DHX57: variants seen among roughly 807,000 people sequenced by gnomAD.
DHX57 encodes DExH-box helicase 57, also known as putative ATP-dependent RNA helicase DHX57.
In DHX57, 105 loss-of-function variants were observed where a neutral mutation model predicts 156.2. The ratio of observed to expected loss-of-function variants is 0.67; its 90% CI spans 0.57 to 0.79. DHX57 has a LOEUF of 0.79. Among genes scored for constraint, DHX57 ranks in the 30% least tolerant of loss-of-function variants. The pLI, the probability that DHX57 is intolerant of heterozygous loss-of-function variation, is 0.00. For missense variants in DHX57, 1,847 were observed against 1,661.9 expected, an observed-to-expected ratio of 1.11 and a Z score of -1.94; for synonymous variants, 704 against 595.6, an observed-to-expected ratio of 1.18 and a Z score of -2.65.
In DHX57 at chr2:38,861,782, C is replaced by T. The variant is rs758514833; in HGVS notation, c.628G>A (p.Val210Met). 4 of 1,613,942 alleles carry T rather than the reference C, an allele frequency of 2.5e-6. No individual in the cohort carries two copies. Among genetic ancestry groups the T allele is most frequent in the Admixed American group, 1.7e-5 (1 of 60,010 alleles). Residue 210 changes from valine to methionine, a missense_variant, in exon 5 of 24, where the codon GTG (valine) becomes ATG (methionine). Val to Met is a conservative substitution (Grantham distance 21). Coordinates refer to ENST00000457308, the MANE Select transcript of DHX57 (RefSeq NM_198963.3). ...QAVLRMCDGD[V>M]GASLEHLLTQ... is the part of the protein sequence containing the mutation. ...AGGAGATGCTCTAGTGATGCTCCCA[C>T]ATCTCCATCACACATCCTCAGGACC... is the stretch of plus-strand genomic sequence containing the variant.
At chr2:38,829,389 C>A (rs2124827438) in intron 13 of DHX57, among the ~76,000 whole-genome samples, 1 of 150,948 alleles carries the variant, frequency 6.6e-6, no homozygotes, top group South Asian at 2.1e-4. Context: ...TCAATTGATT[C>A]TCCCGCCTCA....
chr2:38,807,220 A>C (rs542234742), intron 21 of DHX57, among the ~76,000 whole-genome samples: 4 of 151,944 alleles, frequency 2.6e-5, no homozygotes, highest in African/African-American at 4.8e-5. Flanking sequence ...ACACCCAGCT[A>C]ATTTTTGTAT....
chr2:38,873,632 C>T (rs979577385), intron 1 of DHX57, among the ~76,000 whole-genome samples: 3 of 152,088 alleles, frequency 2.0e-5, no homozygotes, highest in Non-Finnish European at 4.4e-5. Flanking sequence ...GAAAAAATGA[C>T]TTATGTGGGA....
chr2:38,822,793 T>G (rs1670891635), intron 17 of DHX57, among the ~76,000 whole-genome samples, 200 bp downstream of exon 17: 1 of 151,394 alleles, frequency 6.6e-6, no homozygotes, highest in Non-Finnish European at 1.5e-5. Context: ...AAAAATCCTT[T>G]TGTTTGTTTT....
chr2:38,875,564 A>G (rs1183645247), intron 1 of DHX57, among the ~76,000 whole-genome samples: 1 of 151,358 alleles, frequency 6.6e-6, no homozygotes, highest in South Asian at 2.1e-4. Context: ...GAGCGTGGAC[A>G]ACCTCAGCGG....
At chr2:38,839,642 A>AC (rs1311712633) in intron 12 of DHX57, among the ~76,000 whole-genome samples, 1 of 151,008 alleles carries the variant, frequency 6.6e-6, no homozygotes, top group Non-Finnish European at 1.5e-5. Flanking sequence ...ATTCGCTTGA[A>AC]CCCAGGAGGC....
At chr2:38,865,163 T>C (rs1053039955) in intron 2 of DHX57, among the ~76,000 whole-genome samples, 2 of 152,216 alleles carry the variant, frequency 1.3e-5, no homozygotes, top group Non-Finnish European at 2.9e-5. Context: ...CACATAATAA[T>C]TGTACATTCT....
chr2:38,818,339 G>A (rs1042645216), intron 19 of DHX57, among the ~76,000 whole-genome samples: 2 of 152,048 alleles, frequency 1.3e-5, no homozygotes, highest in Admixed American at 1.3e-4. Context: ...AGCCTGGCCA[G>A]CATGGTGAAA....
chr2:38,804,267 G>T (rs1212428174), intron 22 of DHX57, among the ~76,000 whole-genome samples: 2 of 152,122 alleles, frequency 1.3e-5, no homozygotes, highest in East Asian at 1.9e-4. Context: ...GAGGCAGGTG[G>T]ATCACCTGAG....
rs373304739 is a variant in DHX57 at position 38,828,349 on chromosome 2, C to T, written c.2630G>A (p.Arg877His). The change falls in exon 14 of 24, where the codon CGT (arginine) becomes CAT (histidine). Residue 877 changes from arginine (R) to histidine (H), a missense_variant. Transcript: ENST00000457308. ...AAAGCAATTAGCTTACCGATTACTA[C>T]GTCTGTTGTTGAAAAGAGAATTAGA... ...LQSNSLFNNRRSNRCVIHPLH... is the reference protein window; with the variant it reads ...LQSNSLFNNRHSNRCVIHPLH... The T allele has an allele frequency of 6.2e-5, 100 of 1,610,826 alleles. No individual in the cohort carries two copies. The highest frequency in any genetic ancestry group is 8.0e-5 in the African/African-American group (6 of 74,730).
chr2:38,806,775 C>CCAGTCTTGCT, intron 21 of DHX57, 82 bp from the exon 22 acceptor site: 1 of 1,402,980 alleles, frequency 7.1e-7, no homozygotes, highest in Non-Finnish European at 9.7e-7. Flanking sequence ...AAGCACAAAA[C>CCAGTCTTGCT]CAGTCTTGCT....
chr2:38,869,299 G>A (rs1035774844), intron 1 of DHX57, among the ~76,000 whole-genome samples: 1 of 152,214 alleles, frequency 6.6e-6, no homozygotes, highest in Non-Finnish European at 1.5e-5. Flanking sequence ...ACAATGGAGT[G>A]TGGAGAAGTT....
chr2:38,812,265 A>T (rs1256905340), intron 21 of DHX57, among the ~76,000 whole-genome samples: 4 of 152,004 alleles, frequency 2.6e-5, no homozygotes, highest in South Asian at 4.1e-4. Flanking sequence ...AGCACAAACA[A>T]TTTTTTAAAA....
chr2:38,874,496 A>T (rs1382236370), intron 1 of DHX57, among the ~76,000 whole-genome samples: 1 of 127,226 alleles, frequency 7.9e-6, no homozygotes, highest in Non-Finnish European at 1.6e-5. Context: ...TGCAACCTCC[A>T]CCTCCCGGGT....
At chr2:38,836,048 G>A (rs748068437) in intron 13 of DHX57, among the ~76,000 whole-genome samples, 4 of 152,214 alleles carry the variant, frequency 2.6e-5, no homozygotes, top group Non-Finnish European at 4.4e-5. Context: ...AAGCAGCAGT[G>A]CCAGCAAACA....
At chr2:38,842,235 A>G (rs1227635650) in intron 12 of DHX57, among the ~76,000 whole-genome samples, 1 of 152,234 alleles carries the variant, frequency 6.6e-6, no homozygotes, top group Non-Finnish European at 1.5e-5. Context: ...GACATTCTAC[A>G]AAATAATCTT....
intron 22 of DHX57, among the ~76,000 whole-genome samples, chr2:38,804,164 C>G (rs1428604205): frequency 1.3e-5 from 2 of 152,158 alleles, no homozygotes; most frequent in Admixed American, 6.6e-5. Context: ...TTTATAGTGT[C>G]TTTCCTACCC....
intron 17 of DHX57, among the ~76,000 whole-genome samples, chr2:38,819,416 T>G (rs987361493): frequency 2.0e-5 from 3 of 152,190 alleles, no homozygotes; most frequent in Non-Finnish European, 2.9e-5. Flanking sequence ...GCTCAGGCAA[T>G]TGGCCCACCT....
intron 13 of DHX57, among the ~76,000 whole-genome samples, chr2:38,829,679 G>C (rs529071633): frequency 6.6e-6 from 1 of 151,926 alleles, no homozygotes; most frequent in African/African-American, 2.4e-5. Context: ...TTAGCCTCCC[G>C]AGTAGTTGGG....
Sources: allele counts gnomAD v4.1 joint callset (sites outside exome capture counted in the v4.1 genomes callset), GRCh38; gene constraint gnomAD v4.1.1; transcripts MANE v1.5; gene names NCBI Gene and HGNC (gene_info 2026-07-23, HGNC 2026-07-21).